The following MORC1 variants were observed in gnomAD, a reference collection of about 807,000 sequenced individuals.
The protein encoded by MORC1 is MORC family CW-type zinc finger protein 1.
MORC1 carries 59 observed loss-of-function variants against 134.9 expected under a neutral mutation model. That is an observed-to-expected ratio of 0.44 (90% CI 0.35 to 0.54). The LOEUF (loss-of-function observed/expected upper bound fraction) is 0.54, where lower values mean the gene tolerates loss of function less well. Among genes scored for constraint, MORC1 ranks in the 20% least tolerant of loss-of-function variants. The pLI, the probability that MORC1 is intolerant of heterozygous loss-of-function variation, is 0.00. For missense variants in MORC1, 947 were observed against 1,134.5 expected, an observed-to-expected ratio of 0.83 and a Z score of 2.37; for synonymous variants, 395 against 391.7, an observed-to-expected ratio of 1.01 and a Z score of -0.10.
In MORC1 at chr3:108,975,382, T is replaced by G. The variant is rs147389836; in HGVS notation, c.2478-3980A>C. On this transcript the variant is annotated intron_variant, in intron 24 of 27. Transcript: ENST00000232603. ...GAAATGTTAAAAAGTTACTTTCTTTTTAAAACTTTTTTTTGGTATTTTAAA... is the reference window on the plus strand; with the variant it reads ...GAAATGTTAAAAAGTTACTTTCTTTGTAAAACTTTTTTTTGGTATTTTAAA... Among the ~76,000 whole-genome samples, 796 of 152,328 alleles carry G rather than the reference T, an allele frequency of 5.2e-3. 20 individuals carry two copies. The highest frequency in any genetic ancestry group is 0.018 in the African/African-American group (767 of 41,558).
chr3:108,969,842 A>G lies in MORC1; in HGVS notation c.2551-120T>C, dbSNP rs16855060. The G allele has an allele frequency of 9.3e-3, 7,878 of 848,930 alleles. 391 individuals are homozygous for G. In the African/African-American group the frequency reaches 0.11, roughly 12 times the overall value. The allele number at this position is 848,930 out of a possible 1,614,324, so 52.6% of individuals were successfully genotyped here. On this transcript the variant is annotated intron_variant, in intron 25 of 27. Coordinates refer to ENST00000232603, the MANE Select transcript of MORC1 (RefSeq NM_014429.4). ...GCATCAAAGCCTAGAACTGGCCAAC[A>G]TTGGTACTATGGGCCTTTTAAGTCT...
chr3:108,982,588 G>GGT (rs1553743081), intron 23 of MORC1, among the ~76,000 whole-genome samples: 5 of 151,718 alleles, frequency 3.3e-5, no homozygotes, highest in African/African-American at 1.2e-4. Context: ...TGGGATGGGG[G>GGT]GGGCAGGGGG....
At chr3:109,002,463 C>T (rs571424779) in intron 20 of MORC1, among the ~76,000 whole-genome samples, 2 of 152,302 alleles carry the variant, frequency 1.3e-5, no homozygotes, top group African/African-American at 4.8e-5. Flanking sequence ...ACAGATATAG[C>T]AGTGGGGTTG....
chr3:109,026,088 T>A (rs541463190), intron 17 of MORC1, among the ~76,000 whole-genome samples: 6 of 152,306 alleles, frequency 3.9e-5, no homozygotes, highest in Non-Finnish European at 4.4e-5. Flanking sequence ...TGCCTTTGGT[T>A]CAGTGAACCA....
At chr3:109,069,592 A>C (rs772861249) in intron 9 of MORC1, 40 bp downstream of exon 9, 1 of 1,517,272 alleles carries the variant, frequency 6.6e-7, no homozygotes, top group Non-Finnish European at 8.9e-7. Flanking sequence ...AATTTTATAA[A>C]TAAAAACTCT....
intron 20 of MORC1, among the ~76,000 whole-genome samples, chr3:109,001,318 A>G (rs1948400130): frequency 6.6e-6 from 1 of 152,122 alleles, no homozygotes; most frequent in African/African-American, 2.4e-5. Flanking sequence ...TCTTTCTAAG[A>G]GCTGATATAC....
rs970273904 is a variant in MORC1, at chr3:109,114,519, C to T, written c.66-82G>A. On this transcript the variant is annotated intron_variant, in intron 1 of 27. Coordinates refer to ENST00000232603, the MANE Select transcript of MORC1 (RefSeq NM_014429.4). ...AAGCTTTAAGATTCTTGCAGACAAACGTTCTCCAGTTCCAGACATCTAGTG... is the reference window on the plus strand; with the variant it reads ...AAGCTTTAAGATTCTTGCAGACAAATGTTCTCCAGTTCCAGACATCTAGTG... The T allele has an allele frequency of 4.1e-6, 5 of 1,213,638 alleles. No individual in the cohort carries two copies. The African/African-American group carries it at 4.5e-5, about 11-fold the overall frequency. 75.2% of individuals were successfully genotyped at this position (1,213,638 alleles called of 1,614,324 possible).
intron 2 of MORC1, among the ~76,000 whole-genome samples, chr3:109,111,361 C>T (rs528826988): frequency 6.6e-6 from 1 of 152,242 alleles, no homozygotes; most frequent in South Asian, 2.1e-4. Flanking sequence ...CTCAGCACTA[C>T]AGTGGCAGAG....
At chr3:109,035,496 T>C (rs759168085) in intron 14 of MORC1, 28 bp from the exon 15 acceptor site, 2 of 1,340,670 alleles carry the variant, frequency 1.5e-6, no homozygotes, top group Non-Finnish European at 2.0e-6. Flanking sequence ...AGGCAAAGAA[T>C]AACAAAAAAA....
chr3:109,080,944 A>G (rs997665993), intron 8 of MORC1, among the ~76,000 whole-genome samples: 4 of 152,202 alleles, frequency 2.6e-5, no homozygotes, highest in African/African-American at 4.8e-5. Context: ...TTTATTTCAC[A>G]TAAGTGGAAA....
intron 21 of MORC1, among the ~76,000 whole-genome samples, chr3:108,993,585 T>C (rs1948123778): frequency 6.6e-6 from 1 of 152,174 alleles, no homozygotes; most frequent in South Asian, 2.1e-4. Context: ...GGTAGCATCA[T>C]CAACCAGGAA....
intron 16 of MORC1, 75 bp downstream of exon 16, chr3:109,032,645 C>T (rs1180364574): frequency 9.8e-7 from 1 of 1,017,832 alleles, no homozygotes; most frequent in Non-Finnish European, 1.4e-6. Context: ...TATAGATTGA[C>T]ATTTTCAAGG....
At chr3:109,002,785 A>G (rs113373109) in intron 20 of MORC1, among the ~76,000 whole-genome samples, 7 of 152,232 alleles carry the variant, frequency 4.6e-5, no homozygotes, top group African/African-American at 1.7e-4. Context: ...GAAACTCTTC[A>G]ATGGTTTCCC....
chr3:109,076,059 G>A (rs185755348), intron 8 of MORC1, among the ~76,000 whole-genome samples: 33 of 152,162 alleles, frequency 2.2e-4, no homozygotes, highest in African/African-American at 7.5e-4. Context: ...CTACAGAATG[G>A]GGGGAAATTT....
chr3:108,988,569 C>G (rs1049053306), intron 21 of MORC1, among the ~76,000 whole-genome samples: 1 of 152,036 alleles, frequency 6.6e-6, no homozygotes, highest in Non-Finnish European at 1.5e-5. Flanking sequence ...CTTTTCAGAC[C>G]AGTTTATAAG....
chr3:109,022,169 A>C (rs377017509), intron 17 of MORC1, among the ~76,000 whole-genome samples: 1 of 152,324 alleles, frequency 6.6e-6, no homozygotes, highest in East Asian at 1.9e-4. Flanking sequence ...TTAGATCATG[A>C]CAGTTTATAT....
At chr3:109,045,225 T>G (rs1949666316) in intron 14 of MORC1, among the ~76,000 whole-genome samples, 2 of 152,140 alleles carry the variant, frequency 1.3e-5, no homozygotes, top group South Asian at 4.1e-4. Context: ...ATGATTATAT[T>G]CTAAAGATCT....
chr3:109,028,429 C>G (rs755306076), intron 16 of MORC1, among the ~76,000 whole-genome samples: 1 of 152,136 alleles, frequency 6.6e-6, no homozygotes, highest in Admixed American at 6.5e-5. Flanking sequence ...TTCCCCAAAT[C>G]GCCCACTGGT....
chr3:109,086,954 T>C (rs1026350160), intron 8 of MORC1, among the ~76,000 whole-genome samples: 1 of 152,086 alleles, frequency 6.6e-6, no homozygotes, highest in African/African-American at 2.4e-5. Flanking sequence ...AGAAGATAGA[T>C]TTAAATCCCA....
Sources: gnomAD v4.1 joint callset for allele counts (sites outside exome capture counted in the v4.1 genomes callset) on GRCh38, gnomAD v4.1.1 for gene constraint, MANE v1.5 for transcripts, NCBI Gene and HGNC (gene_info 2026-07-23, HGNC 2026-07-21) for gene names.